Variants in KLHL2 observed in about 807,000 individuals in gnomAD.
KLHL2 encodes the protein kelch-like protein 2.
In KLHL2, 15 loss-of-function variants were observed where a neutral mutation model predicts 75.8. That is an observed-to-expected ratio of 0.20 (90% CI 0.13 to 0.30). The LOEUF (loss-of-function observed/expected upper bound fraction) is 0.30. KLHL2 is among the 10% of genes least tolerant of loss of function. KLHL2 has a pLI of 1.00. For synonymous variants in KLHL2, 214 were observed against 251.9 expected, an observed-to-expected ratio of 0.85 and a Z score of 1.42; for missense variants, 381 against 741.0, an observed-to-expected ratio of 0.51 and a Z score of 5.64.
At chr4:165,299,385 T>C (rs546991040) in intron 7 of KLHL2, 122 bp from the exon 8 acceptor site, 1 of 838,304 alleles carries the variant, frequency 1.2e-6, no homozygotes, top group Non-Finnish European at 1.7e-6. Flanking sequence ...TCCTCGTTTA[T>C]TTTTAGACTA....
chr4:165,252,267 C>T (rs1740799890), intron 4 of KLHL2, among the ~76,000 whole-genome samples: 1 of 151,394 alleles, frequency 6.6e-6, no homozygotes. Flanking sequence ...AGGTATGGAG[C>T]CTGTGTGTGG....
chr4:165,311,946 G>A (rs900332821), intron 11 of KLHL2, among the ~76,000 whole-genome samples: 19 of 151,964 alleles, frequency 1.3e-4, no homozygotes, highest in Admixed American at 3.9e-4. Flanking sequence ...GACTGGTTTT[G>A]TGGAAGACAA....
chr4:165,248,943 T>C (rs1365119465), intron 4 of KLHL2, among the ~76,000 whole-genome samples: 1 of 152,228 alleles, frequency 6.6e-6, no homozygotes, highest in Non-Finnish European at 1.5e-5. Context: ...TGTGTATATA[T>C]TTTATTTTTC....
At chr4:165,223,222 G>A (rs993189712) in intron 2 of KLHL2, among the ~76,000 whole-genome samples, 1 of 152,232 alleles carries the variant, frequency 6.6e-6, no homozygotes, top group African/African-American at 2.4e-5. Flanking sequence ...CACCTAATCA[G>A]CTAATATGCC....
At chr4:165,317,745 T>C in intron 13 of KLHL2, 81 bp from the exon 14 acceptor site, 3 of 1,015,690 alleles carry the variant, frequency 3.0e-6, no homozygotes, top group South Asian at 3.1e-5. Context: ...GTCTCTGGAT[T>C]ACCTCACTAA....
At chr4:165,306,030 C>T (rs150654642) in intron 9 of KLHL2, among the ~76,000 whole-genome samples, 10 of 152,250 alleles carry the variant, frequency 6.6e-5, no homozygotes, top group Non-Finnish European at 1.2e-4. Flanking sequence ...GGTTGGGACC[C>T]TTAGTTCTAG....
chr4:165,286,965 T>G (rs564169378), intron 5 of KLHL2, among the ~76,000 whole-genome samples: 4 of 152,340 alleles, frequency 2.6e-5, no homozygotes, highest in Admixed American at 1.3e-4. Flanking sequence ...CACCAGTGTT[T>G]TCAAATGGTT....
At chr4:165,304,308 G>T (rs1235029197) in intron 8 of KLHL2, among the ~76,000 whole-genome samples, 2 of 152,138 alleles carry the variant, frequency 1.3e-5, no homozygotes, top group African/African-American at 2.4e-5. Flanking sequence ...GGAAATTTGG[G>T]ATTTGCTCTC....
intron 9 of KLHL2, 23 bp downstream of exon 9, chr4:165,305,748 A>C: frequency 1.4e-6 from 2 of 1,454,300 alleles, no homozygotes; most frequent in Non-Finnish European, 1.9e-6. Flanking sequence ...CATCATGGTC[A>C]ATTCTCTACT....
chr4:165,245,933 G>T (rs1209759766), intron 4 of KLHL2, among the ~76,000 whole-genome samples: 2 of 151,908 alleles, frequency 1.3e-5, no homozygotes, highest in Non-Finnish European at 2.9e-5. Flanking sequence ...TATTTATGGG[G>T]TATCTATTCT....
intron 5 of KLHL2, among the ~76,000 whole-genome samples, chr4:165,265,539 G>C (rs188889746): frequency 6.6e-6 from 1 of 151,836 alleles, no homozygotes; most frequent in African/African-American, 2.4e-5. Context: ...ATCCATCTTG[G>C]GTTAATTTTT....
intron 1 of KLHL2, chr4:165,209,337 A>G (rs1322335557): frequency 6.6e-6 from 1 of 152,226 alleles, no homozygotes; most frequent in African/African-American, 2.4e-5. Flanking sequence ...CATATGGTAT[A>G]TAATATGTAA....
At position 165,307,315 on chromosome 4, in the gene KLHL2, A is replaced by G. The variant is rs145257751; in HGVS notation, c.1039+1590A>G. On this transcript the variant is annotated intron_variant, in intron 9 of 14. Transcript: ENST00000226725. ...AGAGTGAGACTCCGTCTCAAAAAACAAACAAACAAACAAAAAAACAAAAAA... is the reference window on the plus strand; with the variant it reads ...AGAGTGAGACTCCGTCTCAAAAAACGAACAAACAAACAAAAAAACAAAAAA... Among the ~76,000 whole-genome samples, 1,405 of 150,632 alleles carry G rather than the reference A, an allele frequency of 9.3e-3. 13 individuals carry two copies. The highest frequency in any genetic ancestry group is 0.017 in the South Asian group (82 of 4,830).
chr4:165,232,442 A>AG (rs1175315246), intron 3 of KLHL2, among the ~76,000 whole-genome samples: 37 of 151,466 alleles, frequency 2.4e-4, no homozygotes, highest in South Asian at 2.1e-3. Flanking sequence ...AAAAAAAAAA[A>AG]GATAAAGGCA....
intron 3 of KLHL2, among the ~76,000 whole-genome samples, chr4:165,229,732 T>G (rs1039784019): frequency 6.6e-6 from 1 of 152,114 alleles, no homozygotes; most frequent in Non-Finnish European, 1.5e-5. Flanking sequence ...TAGGTAATAG[T>G]GTATGGAAGA....
chr4:165,231,834 T>G (rs1196842233), intron 3 of KLHL2, among the ~76,000 whole-genome samples: 1 of 152,232 alleles, frequency 6.6e-6, no homozygotes, highest in African/African-American at 2.4e-5. Context: ...TCTGCTAAGC[T>G]GTTTTTCCAA....
rs1016275897 is a variant in KLHL2, at chr4:165,303,213, C to T, written c.922-2395C>T. Among the ~76,000 whole-genome samples, 7 of 152,196 alleles carry T rather than the reference C, an allele frequency of 4.6e-5. 1 individual carries two copies. In the South Asian group the frequency reaches 1.4e-3, roughly 31 times the overall value. The stretch of plus-strand genomic sequence containing the variant: ...TCTCTGTATGTAATAGCACAGTTTT[C>T]CTTTTCATCTTCATTTTAATGTGTA... On this transcript the variant is annotated intron_variant, in intron 8 of 14. Coordinates refer to ENST00000226725, the MANE Select transcript of KLHL2 (RefSeq NM_007246.4).
At position 165,228,664 on chromosome 4, in the gene KLHL2, G is replaced by A. The variant is rs911427049; in HGVS notation, c.153-143G>A. On this transcript the variant is annotated intron_variant, in intron 2 of 14. Coordinates refer to ENST00000226725, the MANE Select transcript of KLHL2 (RefSeq NM_007246.4). ...CTGTTTTCTATGTACTTCATGTTTAGGGATCATGTCCCAAAGGATGGCTGT... is the reference window on the plus strand; with the variant it reads ...CTGTTTTCTATGTACTTCATGTTTAAGGATCATGTCCCAAAGGATGGCTGT... 14 of 571,722 alleles carry A rather than the reference G, an allele frequency of 2.4e-5. No individual in the cohort carries two copies. The African/African-American group carries it at 2.6e-4, about 11-fold the overall frequency. 35.4% of individuals were successfully genotyped at this position (571,722 alleles called of 1,614,324 possible). A position where few individuals can be genotyped will look rare whatever the true frequency, so the allele number is the denominator to read the frequency against.
intron 5 of KLHL2, among the ~76,000 whole-genome samples, chr4:165,270,272 CT>C (rs1742583449): frequency 6.6e-6 from 1 of 152,128 alleles, no homozygotes; most frequent in Non-Finnish European, 1.5e-5. Context: ...GAACGTGCTC[CT>C]TTAGCTCAGA....
Sources: gnomAD v4.1 joint callset for allele counts (sites outside exome capture counted in the v4.1 genomes callset) on GRCh38, gnomAD v4.1.1 for gene constraint, MANE v1.5 for transcripts, NCBI Gene and HGNC (gene_info 2026-07-23, HGNC 2026-07-21) for gene names.